SLMAP: variants seen among roughly 807,000 people sequenced by gnomAD.
SLMAP encodes the protein sarcolemma associated protein.
Under a neutral mutation model 128.8 loss-of-function variants are expected in SLMAP, and 44 were observed. The observed-to-expected ratio is 0.34, with a 90% CI of 0.27 to 0.44. The LOEUF (loss-of-function observed/expected upper bound fraction) is 0.44, where lower values mean the gene tolerates loss of function less well. SLMAP is among the 20% of genes least tolerant of loss of function. SLMAP has a pLI of 1.00. For missense variants in SLMAP, 787 were observed against 985.3 expected (o/e 0.80, Z 2.69); for synonymous variants, 327 against 348.8 (o/e 0.94, Z 0.70).
chr3:57,820,255 A>C lies in SLMAP; in HGVS notation c.199-11128A>C, dbSNP rs1452377. On this transcript the variant is annotated intron_variant, in intron 2 of 24. Transcript: ENST00000671191. ...ATTTGGGTAAAATATGTAATATTTA[A>C]AATATTGGTATTAATAATTTTGATA... Among the ~76,000 whole-genome samples the C allele has an allele frequency of 4.2e-3, 637 of 152,286 alleles. 5 individuals carry two copies. Among genetic ancestry groups the C allele is most frequent in the African/African-American group, 0.015 (611 of 41,546 alleles).
chr3:57,777,322 C>T (rs911757130), intron 2 of SLMAP, among the ~76,000 whole-genome samples: 1 of 148,492 alleles, frequency 6.7e-6, no homozygotes, highest in Non-Finnish European at 1.5e-5. Context: ...AGGATAACAT[C>T]CTTATGACCT....
At chr3:57,787,623 G>A (rs1335259495) in intron 2 of SLMAP, among the ~76,000 whole-genome samples, 1 of 152,134 alleles carries the variant, frequency 6.6e-6, no homozygotes, top group Admixed American at 6.5e-5. Flanking sequence ...TTACAGGCAT[G>A]CGCCACGATA....
intron 3 of SLMAP, among the ~76,000 whole-genome samples, chr3:57,834,108 G>T (rs986010868): frequency 2.6e-5 from 4 of 152,070 alleles, no homozygotes; most frequent in Admixed American, 6.6e-5. Flanking sequence ...CCAAAATACA[G>T]TAAGTCTTTT....
chr3:57,886,523 G>A (rs1304642708), intron 14 of SLMAP, among the ~76,000 whole-genome samples: 4 of 150,530 alleles, frequency 2.7e-5, no homozygotes, highest in Admixed American at 2.7e-4. Context: ...AAAACTGTAG[G>A]AAGATTGAGG....
chr3:57,873,101 T>C (rs1379987347), intron 14 of SLMAP, among the ~76,000 whole-genome samples: 1 of 152,244 alleles, frequency 6.6e-6, no homozygotes. Context: ...TTAATAGTTT[T>C]CACAGAGCTT....
chr3:57,829,643 C>G (rs9814503), intron 2 of SLMAP, among the ~76,000 whole-genome samples: 50,676 of 152,036 alleles, frequency 0.33, 9,109 homozygotes, highest in East Asian at 0.48. Context: ...TCTAATTAAT[C>G]GTCTGTAATT....
In SLMAP at chr3:57,857,784, C is replaced by G; in HGVS notation, c.571C>G (p.Arg191Gly). The part of the protein sequence containing the change: ...MLEQKLATLQ[R>G]LLAITQEASD... Reference sequence around the variant, plus strand: ...GGAACAGAAGTTAGCCACGCTTCAGCGGCTACTAGCCATCACCCAAGAGGC... The same window carrying G: ...GGAACAGAAGTTAGCCACGCTTCAGGGGCTACTAGCCATCACCCAAGAGGC... Residue 191 changes from arginine (R) to glycine (G), a missense_variant, in exon 7 of 25, where the codon CGG (arginine) becomes GGG (glycine). Around this residue, in one of 2 missense-constraint regions of SLMAP, gnomAD observed 715 missense variants for 843.6 expected, o/e 0.85. Coordinates refer to ENST00000671191, the MANE Select transcript of SLMAP (RefSeq NM_001377540.1). The G allele has an allele frequency of 1.9e-6, 3 of 1,613,708 alleles. No homozygotes were observed. Among genetic ancestry groups the G allele is most frequent in the Non-Finnish European group, 2.5e-6 (3 of 1,179,602 alleles).
At chr3:57,892,143 C>T (rs1038535365) in intron 15 of SLMAP, among the ~76,000 whole-genome samples, 5 of 152,126 alleles carry the variant, frequency 3.3e-5, no homozygotes, top group Non-Finnish European at 7.4e-5. Flanking sequence ...TATGCTAATC[C>T]TTGTAACAAA....
In SLMAP at chr3:57,907,973, A is replaced by G; in HGVS notation, c.1591A>G (p.Arg531Gly). 6.2e-7 allele frequency: 1 copy of G among 1,613,902 alleles called. No homozygotes were observed. The highest frequency in any genetic ancestry group is 8.5e-7 in the Non-Finnish European group (1 of 1,179,836). ...KELIEAQELARTSKQKCFELQ... is the reference protein window; with the variant it reads ...KELIEAQELAGTSKQKCFELQ... ...ATTGATCGAAGCCCAGGAGCTAGCTAGAACAAGTAAACAAAAATGCTTTGA... is the reference window on the plus strand; with the variant it reads ...ATTGATCGAAGCCCAGGAGCTAGCTGGAACAAGTAAACAAAAATGCTTTGA... The change falls in exon 18 of 25, where the codon AGA becomes GGA. Residue 531 changes from arginine to glycine, a missense_variant. Physicochemically the swap from Arg to Gly is moderately radical, Grantham distance 125. Around this residue, in one of 2 missense-constraint regions of SLMAP, gnomAD observed 715 missense variants for 843.6 expected, o/e 0.85. Coordinates refer to ENST00000671191, the MANE Select transcript of SLMAP (RefSeq NM_001377540.1).
At chr3:57,864,748 T>A in intron 11 of SLMAP, 32 bp downstream of exon 11, 1 of 1,574,828 alleles carries the variant, frequency 6.3e-7, no homozygotes. Context: ...TGATTTTATT[T>A]TATTTTTTTT....
In SLMAP at chr3:57,853,958, TATATATATATATATATATATA is replaced by T. The variant is rs1560252996; in HGVS notation, c.520-3774_520-3754del. On this transcript the variant is annotated intron_variant, in intron 6 of 24. Transcript: ENST00000671191. ...TTCTGTCTCAAAAAAAAAAAAATTA[TATATATATATATATATATATA>T]TATATATATATATATATATATTTAC... 3.2e-3 allele frequency among the ~76,000 whole-genome samples: 166 copies of T among 51,848 alleles called. 5 individuals are homozygous for T. The highest frequency in any genetic ancestry group is 4.5e-3 in the Non-Finnish European group (124 of 27,708). 34.0% of individuals were successfully genotyped at this position (51,848 alleles called of 152,430 possible).
At chr3:57,926,031 T>C in intron 24 of SLMAP, 97 bp downstream of exon 24, 1 of 850,596 alleles carries the variant, frequency 1.2e-6, no homozygotes, top group South Asian at 1.5e-5. Flanking sequence ...ACAGGTATTT[T>C]GTTACCTGAA....
chr3:57,845,728 G>A (rs2094208365), intron 4 of SLMAP, among the ~76,000 whole-genome samples: 1 of 152,126 alleles, frequency 6.6e-6, no homozygotes, highest in African/African-American at 2.4e-5. Context: ...ATTCTCATGA[G>A]AGTAATAGTA....
intron 2 of SLMAP, among the ~76,000 whole-genome samples, chr3:57,820,687 G>A (rs913580013): frequency 2.0e-5 from 3 of 152,166 alleles, no homozygotes; most frequent in Non-Finnish European, 4.4e-5. Flanking sequence ...GGCTGCAAAG[G>A]GCAATTCCAG....
At chr3:57,885,152 A>C (rs921905011) in intron 14 of SLMAP, among the ~76,000 whole-genome samples, 10 of 150,354 alleles carry the variant, frequency 6.7e-5, no homozygotes, top group African/African-American at 2.5e-4. Context: ...GGCTCACCAC[A>C]ACCTCCACCA....
intron 14 of SLMAP, among the ~76,000 whole-genome samples, chr3:57,879,943 C>A (rs963451684): frequency 4.3e-5 from 6 of 141,164 alleles, no homozygotes; most frequent in Admixed American, 3.6e-4. Context: ...GTGTGAGACT[C>A]TGTCTCAAAA....
At position 57,849,803 on chromosome 3, in the gene SLMAP, C is replaced by T. The variant is rs377702673; in HGVS notation, c.506C>T (p.Ser169Phe). The T allele has an allele frequency of 6.4e-7, 1 of 1,551,746 alleles. No homozygotes were observed. Among genetic ancestry groups the T allele is most frequent in the Non-Finnish European group, 8.9e-7 (1 of 1,123,288 alleles). Residue 169 changes from serine to phenylalanine, a missense_variant, in exon 6 of 25, where the codon TCT (serine) becomes TTT (phenylalanine). By Grantham distance (155) the Ser-to-Phe change is radical. This residue lies in a region of SLMAP where 715 missense variants were observed against 843.6 expected (regional missense o/e 0.85). Transcript: ENST00000671191. The part of the protein sequence containing the change: ...SMYSQELFQL[S>F]QYLQEALHRE... Reference sequence around the variant, plus strand: ...TACTCTCAGGAACTATTCCAGCTTTCTCAGTATCTACAGGTAAAAGTACAT... The same window carrying T: ...TACTCTCAGGAACTATTCCAGCTTTTTCAGTATCTACAGGTAAAAGTACAT...
chr3:57,763,213 G>A (rs1225044529), intron 2 of SLMAP, among the ~76,000 whole-genome samples: 1 of 151,924 alleles, frequency 6.6e-6, no homozygotes, highest in Non-Finnish European at 1.5e-5. Context: ...TTTCACTGAA[G>A]TTTACTTACT....
intron 5 of SLMAP, among the ~76,000 whole-genome samples, chr3:57,847,574 A>T (rs62259035): frequency 6.6e-6 from 1 of 152,082 alleles, no homozygotes; most frequent in African/African-American, 2.4e-5. Context: ...CTACCTAAAT[A>T]GTTCACTCAA....
Sources: gnomAD v4.1 joint callset for allele counts (sites outside exome capture counted in the v4.1 genomes callset) on GRCh38, gnomAD v4.1.1 for gene constraint, gnomAD v4.1.1 regional missense constraint, MANE v1.5 for transcripts, NCBI Gene and HGNC (gene_info 2026-07-23, HGNC 2026-07-21) for gene names.